The following EIF2S2 variants were observed in gnomAD, a reference collection of about 807,000 sequenced individuals.
EIF2S2 encodes the protein eukaryotic translation initiation factor 2 subunit 2.
Under a neutral mutation model 44.0 loss-of-function variants are expected in EIF2S2, and 4 were observed. That is an observed-to-expected ratio of 0.09 (90% confidence interval 0.04 to 0.21). The LOEUF is 0.21. Ranked by LOEUF, EIF2S2 falls within the 10% of genes least tolerant of loss-of-function variation. EIF2S2 has a pLI of 1.00. For missense variants in EIF2S2, 154 were observed against 392.0 expected (o/e 0.39, Z 5.13); for synonymous variants, 108 against 128.3 (o/e 0.84, Z 1.07).
chr20:34,093,384 C>T (rs2034189960), intron 7 of EIF2S2, among the ~76,000 whole-genome samples: 1 of 152,210 alleles, frequency 6.6e-6, no homozygotes, highest in African/African-American at 2.4e-5. Flanking sequence ...CTAATATTTG[C>T]TCCATAAAAA....
At position 34,097,309 on chromosome 20, in the gene EIF2S2, TCCA is replaced by T. The variant is rs1457211236; in HGVS notation, c.534+104_534+106del. The T allele has an allele frequency of 7.4e-6, 7 of 939,916 alleles. No individual in the cohort carries two copies. In the Middle Eastern group the frequency reaches 9.9e-4, roughly 133 times the overall value. The allele number at this position is 939,916 out of a possible 1,614,324, so 58.2% of individuals were successfully genotyped here. On this transcript the variant is annotated intron_variant, in intron 5 of 8. Transcript: ENST00000374980. The stretch of plus-strand genomic sequence containing the variant: ...GGCTGTGTGACCTCTCTGCATCTGT[TCCA>T]CCATCAGTCATTACTTCAACGGCCG...
intron 7 of EIF2S2, among the ~76,000 whole-genome samples, chr20:34,091,402 G>A (rs2034160810): frequency 6.6e-6 from 1 of 152,108 alleles, no homozygotes; most frequent in Admixed American, 6.6e-5. Context: ...TACATATTAA[G>A]TTTAATATGT....
intron 2 of EIF2S2, 95 bp from the exon 3 acceptor site, chr20:34,103,660 G>A: frequency 7.3e-7 from 1 of 1,369,704 alleles, no homozygotes; most frequent in Non-Finnish European, 9.5e-7. Flanking sequence ...CAAGTCACCA[G>A]AAAAGACTGA....
At chr20:34,095,750 A>C (rs1182911220) in intron 6 of EIF2S2, among the ~76,000 whole-genome samples, 2 of 152,238 alleles carry the variant, frequency 1.3e-5, no homozygotes, top group Admixed American at 6.5e-5. Context: ...AAATATATGT[A>C]AGTAATGACA....
Position 34,103,497 on chromosome 20 carries a change from T to G in EIF2S2, c.262A>C (p.Ile88Leu). The G allele has an allele frequency of 2.6e-6, 4 of 1,567,232 alleles. No individual in the cohort carries two copies. Among genetic ancestry groups the G allele is most frequent in the Non-Finnish European group, 3.5e-6 (4 of 1,152,858 alleles). The change falls in exon 3 of 9, where the codon ATA (isoleucine) becomes CTA (leucine). Residue 88 changes from isoleucine to leucine, a missense_variant. Ile to Leu is a conservative substitution (Grantham distance 5). Around this residue, in one of 2 missense-constraint regions of EIF2S2, gnomAD observed 134 missense variants for 225.0 expected, o/e 0.60. Coordinates refer to ENST00000374980, the MANE Select transcript of EIF2S2 (RefSeq NM_003908.5). ...QKKKKKKTKK[I>L]FDIDEAEEGV... ...TCTTCAGCTTCATCAATATCAAATA[T>G]CTTTTTAGTTTTTTTCTTCTTTTTC...
At position 34,098,615 on chromosome 20, in the gene EIF2S2, C is replaced by T. The variant is rs1396362699; in HGVS notation, c.316G>A (p.Asp106Asn). Residue 106 changes from aspartate to asparagine, a missense_variant, in exon 4 of 9, where the codon GAT becomes AAT. Asp to Asn is a conservative substitution (Grantham distance 23). This residue lies in a region of EIF2S2 where 134 missense variants were observed against 225.0 expected (regional missense o/e 0.60). Transcript: ENST00000374980. ...TCTGGTTCAGTTGGTTCTTGAACATCACTTTCAATCTTAAGATCCTAAGAA... is the reference window on the plus strand; with the variant it reads ...TCTGGTTCAGTTGGTTCTTGAACATTACTTTCAATCTTAAGATCCTAAGAA... ...EGVKDLKIESDVQEPTEPEDD... is the reference protein window; with the variant it reads ...EGVKDLKIESNVQEPTEPEDD... The T allele has an allele frequency of 6.2e-7, 1 of 1,613,824 alleles. No individual in the cohort carries two copies. The highest frequency in any genetic ancestry group is 2.2e-5 in the East Asian group (1 of 44,878).
At chr20:34,108,259 AG>A (rs2034371161) in intron 1 of EIF2S2, 1 of 152,200 alleles carries the variant, frequency 6.6e-6, no homozygotes, top group Admixed American at 6.5e-5. Context: ...ACAGCTAAAC[AG>A]TTTGGTTGTA....
intron 5 of EIF2S2, among the ~76,000 whole-genome samples, chr20:34,097,154 C>T (rs1450512705): frequency 1.3e-5 from 2 of 152,352 alleles, no homozygotes; most frequent in South Asian, 2.1e-4. Flanking sequence ...CCACTGCCCT[C>T]CTAATTCCTA....
At chr20:34,096,944 C>T (rs1002303720) in intron 5 of EIF2S2, 139 bp from the exon 6 acceptor site, 27 of 940,976 alleles carry the variant, frequency 2.9e-5, no homozygotes, top group Non-Finnish European at 4.3e-5. Context: ...TCTGGGAGCT[C>T]CTTGAGGGCA....
intron 3 of EIF2S2, 117 bp downstream of exon 3, chr20:34,103,345 T>C (rs967196463): frequency 1.2e-5 from 16 of 1,357,422 alleles, no homozygotes; most frequent in African/African-American, 3.0e-5. Flanking sequence ...CCAGTGGCAA[T>C]TAAGTGCTAA....
At chr20:34,098,700 T>C in intron 3 of EIF2S2, 67 bp from the exon 4 acceptor site, 1 of 1,540,992 alleles carries the variant, frequency 6.5e-7, no homozygotes, top group Non-Finnish European at 8.7e-7. Flanking sequence ...TTTTATTACA[T>C]TTTCTGTTGA....
At chr20:34,106,056 G>A (rs2034346228) in intron 1 of EIF2S2, among the ~76,000 whole-genome samples, 1 of 151,946 alleles carries the variant, frequency 6.6e-6, no homozygotes, top group South Asian at 2.1e-4. Context: ...CAAGTAGCTG[G>A]GACCACAAGC....
intron 3 of EIF2S2, 131 bp downstream of exon 3, chr20:34,103,331 G>A (rs1020242616): frequency 1.1e-5 from 14 of 1,231,354 alleles, no homozygotes; most frequent in African/African-American, 7.8e-5. Context: ...AGAAAATGAC[G>A]CTACCAGTGG....
At chr20:34,092,834 C>T (rs564234402) in intron 7 of EIF2S2, among the ~76,000 whole-genome samples, 6 of 152,308 alleles carry the variant, frequency 3.9e-5, no homozygotes, top group South Asian at 2.1e-4. Context: ...CTGCCAGTGA[C>T]GCACAGGTGT....
At chr20:34,090,097 A>G (rs1004881579) in intron 8 of EIF2S2, among the ~76,000 whole-genome samples, 192 bp from the exon 9 acceptor site, 1 of 152,238 alleles carries the variant, frequency 6.6e-6, no homozygotes, top group Non-Finnish European at 1.5e-5. Context: ...TTCCGGCACT[A>G]AACATGGGCT....
chr20:34,105,085 A>G (rs2034333392), intron 2 of EIF2S2, among the ~76,000 whole-genome samples: 1 of 152,184 alleles, frequency 6.6e-6, no homozygotes. Context: ...ACTCAAATAC[A>G]ACTACCATTA....
Position 34,096,645 on chromosome 20 carries a change from T to G in EIF2S2, c.683+12A>C, listed in dbSNP as rs1219169228. 1 of 1,586,672 alleles carries G rather than the reference T, an allele frequency of 6.3e-7. No homozygotes were observed. The highest frequency in any genetic ancestry group is 1.4e-5 in the African/African-American group (1 of 73,452). On this transcript the variant is annotated intron_variant, in intron 6 of 8. Coordinates refer to ENST00000374980, the MANE Select transcript of EIF2S2 (RefSeq NM_003908.5). ...GGCATTTGGGATGAAGGTACTCCAT[T>G]AACCAACTTACAGTTTACAGATATC...
At chr20:34,096,457 C>G (rs1025133636) in intron 6 of EIF2S2, among the ~76,000 whole-genome samples, 200 bp downstream of exon 6, 1 of 152,068 alleles carries the variant, frequency 6.6e-6, no homozygotes, top group Non-Finnish European at 1.5e-5. Flanking sequence ...AAAGCAAGAC[C>G]GTTATCTTTA....
intron 3 of EIF2S2, among the ~76,000 whole-genome samples, chr20:34,101,793 GCCT>G (rs774398669): frequency 5.3e-5 from 8 of 150,910 alleles, no homozygotes; most frequent in Non-Finnish European, 1.2e-4. Context: ...TCCTGCCACA[GCCT>G]CCTAAGTAGC....
Sources: allele counts gnomAD v4.1 joint callset (sites outside exome capture counted in the v4.1 genomes callset), GRCh38; gene constraint gnomAD v4.1.1; regional missense constraint gnomAD v4.1.1; transcripts MANE v1.5; gene names NCBI Gene and HGNC (gene_info 2026-07-23, HGNC 2026-07-21).